The following RAPGEF4 variants were observed in gnomAD, a reference collection of about 807,000 sequenced individuals.
RAPGEF4 encodes the protein RAP guanine-nucleotide-exchange factor (GEF) 4.
Under a neutral mutation model 147.9 loss-of-function variants are expected in RAPGEF4, and 66 were observed. That is an observed-to-expected ratio of 0.45 (90% CI 0.37 to 0.55). The LOEUF is 0.55. RAPGEF4 is among the 20% of genes least tolerant of loss of function. The pLI is 0.00. For missense variants in RAPGEF4, 1,071 were observed against 1,257.3 expected, an observed-to-expected ratio of 0.85 and a Z score of 2.24; for synonymous variants, 419 against 442.7, an observed-to-expected ratio of 0.95 and a Z score of 0.67.
chr2:172,904,410 A>G (rs1285549020), intron 4 of RAPGEF4, among the ~76,000 whole-genome samples: 1 of 152,226 alleles, frequency 6.6e-6, no homozygotes, highest in Non-Finnish European at 1.5e-5. Flanking sequence ...ACATTGCTAG[A>G]GCAAATTGTT....
intron 3 of RAPGEF4, among the ~76,000 whole-genome samples, chr2:172,802,444 A>T (rs1687075233): frequency 6.6e-6 from 1 of 152,100 alleles, no homozygotes; most frequent in African/African-American, 2.4e-5. Flanking sequence ...AAACGGTCAG[A>T]TCTTGTGAGA....
intron 4 of RAPGEF4, among the ~76,000 whole-genome samples, chr2:172,876,465 T>C (rs1695937479): frequency 6.6e-6 from 1 of 152,224 alleles, no homozygotes; most frequent in African/African-American, 2.4e-5. Context: ...TGAAGGGCTG[T>C]TGAATTTTCT....
chr2:173,023,053 T>G (rs928682086), intron 23 of RAPGEF4, among the ~76,000 whole-genome samples: 7 of 151,938 alleles, frequency 4.6e-5, no homozygotes, highest in Non-Finnish European at 7.4e-5. Flanking sequence ...GAGCAAACAG[T>G]GTAGTGAGGC....
chr2:172,926,921 C>CT (rs1446842305), intron 6 of RAPGEF4, among the ~76,000 whole-genome samples: 1 of 152,122 alleles, frequency 6.6e-6, no homozygotes, highest in East Asian at 1.9e-4. Context: ...GATTAATAAG[C>CT]TTTTTGCTAA....
chr2:172,779,441 T>G (rs1020044219), intron 1 of RAPGEF4, among the ~76,000 whole-genome samples: 1 of 152,076 alleles, frequency 6.6e-6, no homozygotes, highest in African/African-American at 2.4e-5. Context: ...AAGGAATAGT[T>G]GTTGCAAGGG....
intron 1 of RAPGEF4, among the ~76,000 whole-genome samples, chr2:172,783,040 AT>A: frequency 6.6e-6 from 1 of 152,350 alleles, no homozygotes; most frequent in South Asian, 2.1e-4. Context: ...AACAAGACAA[AT>A]TGCAACACTG....
chr2:172,848,296 C>T (rs1465862544), intron 4 of RAPGEF4, among the ~76,000 whole-genome samples: 2 of 152,120 alleles, frequency 1.3e-5, no homozygotes, highest in African/African-American at 4.8e-5. Context: ...ATTCTTCCCC[C>T]GCCAGCCCCT....
chr2:172,857,674 G>A (rs1575057021), intron 4 of RAPGEF4, among the ~76,000 whole-genome samples: 3 of 152,166 alleles, frequency 2.0e-5, no homozygotes, highest in Admixed American at 2.0e-4. Context: ...TTGAGCCCAG[G>A]AGTTTGAGAC....
chr2:172,822,445 G>A (rs984466977), intron 4 of RAPGEF4, among the ~76,000 whole-genome samples: 2 of 152,188 alleles, frequency 1.3e-5, no homozygotes, highest in Admixed American at 1.3e-4. Flanking sequence ...ACTCAATGAA[G>A]TCCTTGCTGT....
At chr2:173,014,435 G>C (rs762635565) in intron 17 of RAPGEF4, 29 bp from the exon 18 acceptor site, 15 of 1,612,684 alleles carry the variant, frequency 9.3e-6, no homozygotes, top group Non-Finnish European at 1.3e-5. Flanking sequence ...GTGTGAAATG[G>C]CTCAATTTCT....
chr2:173,015,510 C>A (rs771473003), intron 18 of RAPGEF4, among the ~76,000 whole-genome samples: 1 of 152,138 alleles, frequency 6.6e-6, no homozygotes, highest in Non-Finnish European at 1.5e-5. Flanking sequence ...AGGTGCGAGG[C>A]AGTGAGGAAA....
chr2:172,985,523 G>A (rs775277567), intron 12 of RAPGEF4, 30 bp downstream of exon 12: 23 of 1,606,434 alleles, frequency 1.4e-5, no homozygotes, highest in African/African-American at 4.0e-5. Context: ...GGAACCTTGC[G>A]CCTGGCCAGC....
chr2:172,942,937 C>T (rs778076240), intron 6 of RAPGEF4, among the ~76,000 whole-genome samples: 1 of 152,068 alleles, frequency 6.6e-6, no homozygotes, highest in Non-Finnish European at 1.5e-5. Flanking sequence ...TTCAAGGGCT[C>T]AGTGGTCACA....
At chr2:173,036,520 A>T in intron 28 of RAPGEF4, 108 bp from the exon 29 acceptor site, 1 of 870,554 alleles carries the variant, frequency 1.1e-6, no homozygotes, top group Non-Finnish European at 1.8e-6. Context: ...GCTTTTTTCA[A>T]CTGTAGTGTT....
chr2:172,911,883 C>G (rs563561818), intron 4 of RAPGEF4, among the ~76,000 whole-genome samples: 1 of 150,302 alleles, frequency 6.7e-6, no homozygotes, highest in East Asian at 2.0e-4. Flanking sequence ...CCTCCCACCT[C>G]AGCCTCCCCA....
At chr2:173,004,269 G>A (rs1436512108) in intron 17 of RAPGEF4, among the ~76,000 whole-genome samples, 3 of 152,136 alleles carry the variant, frequency 2.0e-5, no homozygotes, top group African/African-American at 7.2e-5. Flanking sequence ...ATTAGACACA[G>A]TTTGGACATG....
At chr2:172,796,557 G>A (rs572146755) in intron 2 of RAPGEF4, among the ~76,000 whole-genome samples, 139 of 152,170 alleles carry the variant, frequency 9.1e-4, no homozygotes, top group South Asian at 1.2e-3. Context: ...TGCACTCTGC[G>A]CTACTCTAGG....
chr2:172,999,934 G>A (rs1197794780), intron 16 of RAPGEF4, among the ~76,000 whole-genome samples: 1 of 152,170 alleles, frequency 6.6e-6, no homozygotes, highest in East Asian at 1.9e-4. Flanking sequence ...TCCCTCCCCA[G>A]CCTTGGAGCA....
intron 4 of RAPGEF4, among the ~76,000 whole-genome samples, chr2:172,873,198 A>C (rs1695452794): frequency 6.6e-6 from 1 of 152,332 alleles, no homozygotes; most frequent in African/African-American, 2.4e-5. Flanking sequence ...GCTGATATTC[A>C]AGACTAGGCA....
Sources: gnomAD v4.1 joint callset for allele counts (sites outside exome capture counted in the v4.1 genomes callset) on GRCh38, gnomAD v4.1.1 for gene constraint, MANE v1.5 for transcripts, NCBI Gene and HGNC (gene_info 2026-07-23, HGNC 2026-07-21) for gene names.